RANBP2: variants seen among roughly 807,000 people sequenced by gnomAD.
RANBP2 encodes the protein RAN binding protein 2.
A neutral mutation model predicts 303.6 loss-of-function variants in RANBP2; 57 were observed. That is an observed-to-expected ratio of 0.19 (90% CI 0.15 to 0.23). The LOEUF is 0.23. RANBP2 is among the 10% of genes least tolerant of loss of function. The pLI, the probability that RANBP2 is intolerant of heterozygous loss-of-function variation, is 1.00. For missense variants in RANBP2, 3,138 were observed against 3,780.8 expected (o/e 0.83, Z 4.46); for synonymous variants, 1,167 against 1,301.5 (o/e 0.90, Z 2.23).
chr2:108,727,364 A>G (rs976439938), intron 1 of RANBP2, among the ~76,000 whole-genome samples: 1 of 152,178 alleles, frequency 6.6e-6, no homozygotes, highest in Non-Finnish European at 1.5e-5. Flanking sequence ...TTGTTGTGAC[A>G]CCCCAAACTG....
chr2:109,550,652 T>C, the RANBP2 span, among the ~76,000 whole-genome samples: 2 of 152,140 alleles, frequency 1.3e-5, no homozygotes, highest in Admixed American at 6.5e-5. Flanking sequence ...AGGGAAAATA[T>C]TTCTCTCTGC....
the RANBP2 span, among the ~76,000 whole-genome samples, chr2:109,269,175 A>G: frequency 5.3e-5 from 8 of 152,238 alleles, no homozygotes; most frequent in Admixed American, 3.9e-4. Context: ...GAGAGGGACC[A>G]CAGGCTGAGA....
At chr2:109,536,465 G>A in the RANBP2 span, among the ~76,000 whole-genome samples, 2 of 152,098 alleles carry the variant, frequency 1.3e-5, no homozygotes, top group Admixed American at 1.3e-4. Context: ...CAATTTTCTC[G>A]CATTTGGAAT....
At chr2:109,235,217 G>A in the RANBP2 span, among the ~76,000 whole-genome samples, 4 of 152,270 alleles carry the variant, frequency 2.6e-5, no homozygotes, top group African/African-American at 2.4e-5. Context: ...TAAGGACAGC[G>A]AGCATGTAAA....
chr2:109,606,596 T>A, the RANBP2 span, among the ~76,000 whole-genome samples: 106 of 149,442 alleles, frequency 7.1e-4, no homozygotes, highest in South Asian at 6.2e-3. Flanking sequence ...CAGAGATTAC[T>A]AGGCCACTAA....
At chr2:108,966,748 C>A in the RANBP2 span, among the ~76,000 whole-genome samples, 7 of 152,398 alleles carry the variant, frequency 4.6e-5, no homozygotes, top group African/African-American at 1.7e-4. Context: ...ACATGGCCTG[C>A]TGGCAGAGGC....
the RANBP2 span, among the ~76,000 whole-genome samples, chr2:108,892,178 G>A: frequency 6.6e-6 from 1 of 152,108 alleles, no homozygotes; most frequent in Non-Finnish European, 1.5e-5. Context: ...CACAGCCTGG[G>A]CTGGTAGGTG....
At chr2:108,725,002 T>C (rs1694581556) in intron 1 of RANBP2, among the ~76,000 whole-genome samples, 1 of 152,172 alleles carries the variant, frequency 6.6e-6, no homozygotes, top group Non-Finnish European at 1.5e-5. Flanking sequence ...AGTGAAAAAG[T>C]AGGCCACAAA....
At chr2:109,264,392 T>C in the RANBP2 span, among the ~76,000 whole-genome samples, 3 of 145,242 alleles carry the variant, frequency 2.1e-5, no homozygotes, top group Non-Finnish European at 4.5e-5. Context: ...AGGATCCACC[T>C]CGAGTCTGTG....
At chr2:109,017,155 A>G in the RANBP2 span, among the ~76,000 whole-genome samples, 1 of 152,240 alleles carries the variant, frequency 6.6e-6, no homozygotes, top group African/African-American at 2.4e-5. Context: ...CTCTCCCTTC[A>G]GTCACACCCG....
At chr2:109,613,790 G>C in the RANBP2 span, 3 of 1,228,904 alleles carry the variant, frequency 2.4e-6, no homozygotes, top group South Asian at 1.2e-4. Context: ...GGCGTCGGCG[G>C]GACTCACCAG....
the RANBP2 span, among the ~76,000 whole-genome samples, chr2:108,861,624 G>T: frequency 6.6e-6 from 1 of 151,918 alleles, no homozygotes; most frequent in Non-Finnish European, 1.5e-5. Flanking sequence ...GGGACTACAG[G>T]TGCACACCGC....
the RANBP2 span, among the ~76,000 whole-genome samples, chr2:108,994,930 C>T: frequency 1.3e-5 from 2 of 150,130 alleles, no homozygotes; most frequent in African/African-American, 2.5e-5. Context: ...CCCGGGTTCA[C>T]GCCATTCTCC....
rs1370268811 is a variant in RANBP2 at position 108,782,251 on chromosome 2, T to C, written c.8884T>C (p.Trp2962Arg). The C allele has an allele frequency of 6.2e-7, 1 of 1,614,188 alleles. No homozygotes were observed. The highest frequency in any genetic ancestry group is 1.3e-5 in the African/African-American group (1 of 75,062). ...ERGVGDIKIL[W>R]HTMKNYYRIL... ...CGGTGTTGGAGATATAAAGATTCTT[T>C]GGCATACAATGAAGAATTATTACCG... The change falls in exon 27 of 29, where the codon TGG becomes CGG. Residue 2962 changes from tryptophan (W) to arginine (R), a missense_variant. Physicochemically the swap from Trp to Arg is moderately radical, Grantham distance 101 (BLOSUM62 -3). Coordinates refer to ENST00000283195, the MANE Select transcript of RANBP2 (RefSeq NM_006267.5).
chr2:109,633,057 GAAT>G, the RANBP2 span, among the ~76,000 whole-genome samples: 1 of 152,058 alleles, frequency 6.6e-6, no homozygotes, highest in East Asian at 1.9e-4. Flanking sequence ...ACATCCACTG[GAAT>G]TTTTTTTTAA....
chr2:109,655,335 C>T, the RANBP2 span, among the ~76,000 whole-genome samples: 86 of 152,266 alleles, frequency 5.6e-4, no homozygotes, highest in Non-Finnish European at 1.0e-3. Flanking sequence ...AGGTGACTGG[C>T]CTTGAAGGGC....
chr2:109,135,760 T>C, the RANBP2 span, among the ~76,000 whole-genome samples: 13 of 152,352 alleles, frequency 8.5e-5, 1 homozygote, highest in East Asian at 5.8e-4. Flanking sequence ...CAAGCATTAC[T>C]GGGCATCTAT....
chr2:109,432,657 G>A, the RANBP2 span: 1 of 1,612,348 alleles, frequency 6.2e-7, no homozygotes, highest in South Asian at 1.1e-5. Flanking sequence ...GAAACTACGT[G>A]ACACCCGTTT....
chr2:109,031,662 G>T, the RANBP2 span, among the ~76,000 whole-genome samples: 13 of 152,154 alleles, frequency 8.5e-5, no homozygotes, highest in Non-Finnish European at 1.9e-4. Context: ...CTGGAGGAAC[G>T]GAGAGCGCCG....
Sources: allele counts gnomAD v4.1 joint callset (sites outside exome capture counted in the v4.1 genomes callset), GRCh38; gene constraint gnomAD v4.1.1; transcripts MANE v1.5; gene names NCBI Gene and HGNC (gene_info 2026-07-23, HGNC 2026-07-21).